Variants in CTSK observed in about 807,000 individuals in gnomAD.
CTSK encodes the protein cathepsin O.
Under a neutral mutation model 40.5 loss-of-function variants are expected in CTSK, and 26 were observed. The observed-to-expected ratio is 0.64, with a 90% CI of 0.47 to 0.89. The LOEUF is 0.89. CTSK is among the 40% of genes least tolerant of loss of function. The pLI is 0.00. For synonymous variants in CTSK, 132 were observed against 143.2 expected (o/e 0.92, Z 0.56); for missense variants, 292 against 400.1 (o/e 0.73, Z 2.30).
At chr1:150,805,744 T>G (rs1019918053) in intron 4 of CTSK, 117 bp downstream of exon 4, 3 of 981,004 alleles carry the variant, frequency 3.1e-6, no homozygotes, top group Admixed American at 3.4e-5. Context: ...AATGGGGAGA[T>G]GTACCTTAAT....
At chr1:150,802,677 C>T (rs1267902164) in intron 5 of CTSK, among the ~76,000 whole-genome samples, 1 of 152,116 alleles carries the variant, frequency 6.6e-6, no homozygotes, top group African/African-American at 2.4e-5. Context: ...CTCAGCCTCC[C>T]AAAGTGCTGG....
rs912429174 is a variant in CTSK at position 150,797,465 on chromosome 1, T to C, written c.891-567A>G. ...ATCTTGAAAATGTGAGTTTAGAGCA[T>C]AAGAAAGAGGCTGAAGCTGGTGATC... On this transcript the variant is annotated intron_variant, in intron 7 of 7. Transcript: ENST00000271651. Among the ~76,000 whole-genome samples the C allele has an allele frequency of 1.3e-5, 2 of 152,162 alleles. 1 individual carries two copies.
At chr1:150,805,234 G>C (rs370481570) in intron 4 of CTSK, among the ~76,000 whole-genome samples, 106 of 144,188 alleles carry the variant, frequency 7.4e-4, no homozygotes, top group Non-Finnish European at 1.0e-3. Flanking sequence ...AATTTGGGGG[G>C]GGGGAAAGGA....
At chr1:150,807,092 A>T (rs1369093068) in intron 1 of CTSK, among the ~76,000 whole-genome samples, 56 of 135,522 alleles carry the variant, frequency 4.1e-4, no homozygotes, top group African/African-American at 1.9e-3. Flanking sequence ...ACACACACAC[A>T]CACACACACA....
intron 1 of CTSK, chr1:150,807,309 C>T (rs760822405): frequency 2.1e-6 from 1 of 471,428 alleles, no homozygotes; most frequent in Non-Finnish European, 4.4e-6. Context: ...GCGTTCTTCT[C>T]TTTCGTGCCT....
chr1:150,799,807 C>T, intron 5 of CTSK, 98 bp from the exon 6 acceptor site: 1 of 1,119,386 alleles, frequency 8.9e-7, no homozygotes, highest in Admixed American at 1.7e-5. Flanking sequence ...TGCCAGTGAA[C>T]TAACAGAGGC....
In CTSK at chr1:150,806,129, T is replaced by G. The variant is rs143688533; in HGVS notation, c.216A>C (p.Glu72Asp). ...LEASLGVHTY[E>D]LAMNHLGDMT... ...TGTCCCCCAGGTGGTTCATAGCCAG[T>G]TCATATGTATGGACACCAAGAGAAG... Residue 72 changes from glutamate (E) to aspartate (D), a missense_variant, in exon 3 of 8, where the codon GAA becomes GAC. By Grantham distance (45) the Glu-to-Asp change is conservative. Coordinates refer to ENST00000271651, the MANE Select transcript of CTSK (RefSeq NM_000396.4). The G allele has an allele frequency of 6.2e-6, 10 of 1,614,104 alleles. No homozygotes were observed. The African/African-American group carries it at 1.2e-4, about 19-fold the overall frequency.
At chr1:150,805,143 C>T (rs1039824929) in intron 4 of CTSK, among the ~76,000 whole-genome samples, 9 of 142,772 alleles carry the variant, frequency 6.3e-5, no homozygotes, top group African/African-American at 1.6e-4. Context: ...GAGCCTGAGA[C>T]GTTGAGGCTG....
At chr1:150,799,302 C>G (rs1188537189) in intron 6 of CTSK, 29 bp from the exon 7 acceptor site, 1 of 1,511,382 alleles carries the variant, frequency 6.6e-7, no homozygotes, top group Non-Finnish European at 9.2e-7. Flanking sequence ...GCGTGAGGCT[C>G]TATGCAATCC....
chr1:150,799,573 C>T lies in CTSK; in HGVS notation c.755G>A (p.Ser252Asn), dbSNP rs1571123597. The T allele has an allele frequency of 6.2e-7, 1 of 1,614,228 alleles. No homozygotes were observed. The highest frequency in any genetic ancestry group is 2.2e-5 in the East Asian group (1 of 44,888). Residue 252 changes from serine to asparagine, a missense_variant, in exon 6 of 8, where the codon AGC becomes AAC. Coordinates refer to ENST00000271651, the MANE Select transcript of CTSK (RefSeq NM_000396.4). ...GCTGTAAAACTGGAAGGAGGTCAGG[C>T]TTGCATCAATGGCCACAGAGACAGG... The part of the protein sequence containing the change: ...VGPVSVAIDA[S>N]LTSFQFYSKG...
At chr1:150,805,454 A>G (rs769237982) in intron 4 of CTSK, among the ~76,000 whole-genome samples, 40 of 151,842 alleles carry the variant, frequency 2.6e-4, no homozygotes, top group Non-Finnish European at 5.4e-4. Context: ...AGCCTGGCCA[A>G]CATGGTGAAA....
Position 150,804,374 on chromosome 1 carries a change from C to T in CTSK, c.400-135G>A, listed in dbSNP as rs1036498252. ...TGTCATTGTTGTGAGTCTTCCTCTTCCGCTTAATATCTGTTGCACTGTTCT... is the reference window on the plus strand; with the variant it reads ...TGTCATTGTTGTGAGTCTTCCTCTTTCGCTTAATATCTGTTGCACTGTTCT... On this transcript the variant is annotated intron_variant, in intron 4 of 7. Transcript: ENST00000271651. The T allele has an allele frequency of 1.3e-5, 10 of 742,830 alleles. No homozygotes were observed. In the Admixed American group the frequency reaches 2.0e-4, roughly 15 times the overall value. The allele number at this position is 742,830 out of a possible 1,614,324, so 46.0% of individuals were successfully genotyped here. A position where few individuals can be genotyped will look rare whatever the true frequency, so the allele number is the denominator to read the frequency against.
At position 150,796,848 on chromosome 1, in the gene CTSK, T is replaced by G; in HGVS notation, c.941A>C (p.Lys314Thr). 1 of 1,614,190 alleles carries G rather than the reference T, an allele frequency of 6.2e-7. No individual in the cohort carries two copies. Among genetic ancestry groups the G allele is most frequent in the Non-Finnish European group, 8.5e-7 (1 of 1,180,024 alleles). The change falls in exon 8 of 8, where the codon AAG (lysine) becomes ACG (threonine). Residue 314 changes from lysine (K) to threonine (T), a missense_variant. Physicochemically the swap from Lys to Thr is moderately conservative, Grantham distance 78 (BLOSUM62 -1). Coordinates refer to ENST00000271651, the MANE Select transcript of CTSK (RefSeq NM_000396.4). ...NKGYILMARN[K>T]NNACGIANLA... ...GTTGGCAATGCCACAGGCGTTGTTC[T>G]TATTTCGAGCCATGAGGATATATCC...
intron 1 of CTSK, chr1:150,807,309 C>A (rs760822405): frequency 1.3e-5 from 6 of 471,546 alleles, no homozygotes; most frequent in South Asian, 9.3e-5. Flanking sequence ...GCGTTCTTCT[C>A]TTTCGTGCCT....
rs774201583 is a variant in CTSK at position 150,799,160 on chromosome 1, A to G, written c.890+8T>C. The G allele has an allele frequency of 3.0e-5, 47 of 1,563,064 alleles. 2 individuals carry two copies. In the South Asian group the frequency reaches 5.0e-4, roughly 17 times the overall value. The stretch of plus-strand genomic sequence containing the variant: ...ACTGAATAACAAAAGTAGTGTTCCC[A>G]TCATTACCTGTTTTTAATTATCCAG... On this transcript the variant is annotated splice_region_variant and intron_variant, in intron 7 of 7. Transcript: ENST00000271651.
In CTSK at chr1:150,806,110, C is replaced by T. The variant is rs750609110; in HGVS notation, c.235G>A (p.Gly79Arg). 7 of 1,614,072 alleles carry T rather than the reference C, an allele frequency of 4.3e-6. No individual in the cohort carries two copies. The highest frequency in any genetic ancestry group is 5.9e-6 in the Non-Finnish European group (7 of 1,180,018). The change falls in exon 3 of 8, where the codon GGG (glycine) becomes AGG (arginine). Residue 79 changes from glycine to arginine, a missense_variant. Coordinates refer to ENST00000271651, the MANE Select transcript of CTSK (RefSeq NM_000396.4). ...GCTGAAGCTATACTTGCCATGTCCC[C>T]CAGGTGGTTCATAGCCAGTTCATAT... Reference protein sequence around the residue: ...HTYELAMNHLGDMTSEEVVQK... With the variant: ...HTYELAMNHLRDMTSEEVVQK...
chr1:150,799,737 T>A lies in CTSK; in HGVS notation c.619-28A>T, dbSNP rs766930468. On this transcript the variant is annotated intron_variant, in intron 5 of 7. Transcript: ENST00000271651. Reference sequence around the variant, plus strand: ...GGAAGAAACAAGATTGTAATAGGACTAGGACAAAGCAATAGGCAATGAGTC... The same window carrying A: ...GGAAGAAACAAGATTGTAATAGGACAAGGACAAAGCAATAGGCAATGAGTC... 4 of 1,610,010 alleles carry A rather than the reference T, an allele frequency of 2.5e-6. No homozygotes were observed. The African/African-American group carries it at 5.3e-5, about 22-fold the overall frequency.
At position 150,807,078 on chromosome 1, in the gene CTSK, T is replaced by TCACACACACA. The variant is rs779217637; in HGVS notation, c.-1-273_-1-272insTGTGTGTGTG. 6.2e-3 allele frequency among the ~76,000 whole-genome samples: 749 copies of TCACACACACA among 120,528 alleles called. 2 individuals are homozygous for TCACACACACA. Among genetic ancestry groups the TCACACACACA allele is most frequent in the Middle Eastern group, 0.012 (3 of 258 alleles). The allele number at this position is 120,528 out of a possible 152,430, so 79.1% of individuals were successfully genotyped here. A position where few individuals can be genotyped will look rare whatever the true frequency, so the allele number is the denominator to read the frequency against. ...CTGTTTCTCTCTCTGTCTCTCTCTC[T>TCACACACACA]CTCACACACACACACACACACACAC... On this transcript the variant is annotated intron_variant, in intron 1 of 7. Coordinates refer to ENST00000271651, the MANE Select transcript of CTSK (RefSeq NM_000396.4).
chr1:150,807,673 T>C (rs1324763839), intron 1 of CTSK, among the ~76,000 whole-genome samples: 4 of 152,242 alleles, frequency 2.6e-5, no homozygotes, highest in Non-Finnish European at 5.9e-5. Flanking sequence ...ATTTCTTGCA[T>C]TGGCTTTCTT....
Sources: allele counts gnomAD v4.1 joint callset (sites outside exome capture counted in the v4.1 genomes callset), GRCh38; gene constraint gnomAD v4.1.1; transcripts MANE v1.5; gene names NCBI Gene and HGNC (gene_info 2026-07-23, HGNC 2026-07-21).